KCNJ16: variants seen among roughly 807,000 people sequenced by gnomAD.
The protein encoded by KCNJ16 is potassium inwardly rectifying channel subfamily J member 16, also known as inward rectifier potassium channel 16.
A neutral mutation model predicts 18.5 loss-of-function variants in KCNJ16; 15 were observed. The observed-to-expected ratio is 0.81, with a 90% CI of 0.54 to 1.25. KCNJ16 has a LOEUF of 1.25. Ranked by LOEUF, KCNJ16 falls within the 50% of genes most tolerant of loss-of-function variation. The probability of loss-of-function intolerance (pLI) is 0.00; values close to 1 mark genes in which losing one functional copy is unlikely to be tolerated. For missense variants in KCNJ16, 523 were observed against 525.7 expected, an observed-to-expected ratio of 0.99 and a Z score of 0.05; for synonymous variants, 174 against 186.5, an observed-to-expected ratio of 0.93 and a Z score of 0.55.
Position 70,096,095 on chromosome 17 carries a change from G to A in KCNJ16, c.-299-4563G>A, listed in dbSNP as rs543041037. 3.0e-4 allele frequency among the ~76,000 whole-genome samples: 45 copies of A among 151,954 alleles called. 1 individual carries two copies. Among genetic ancestry groups the A allele is most frequent in the Non-Finnish European group, 5.9e-4 (40 of 68,002 alleles). On this transcript the variant is annotated intron_variant, in intron 1 of 3. Transcript: ENST00000392671. ...AGACGGGGTTTCGCTGTGTTAGCCA[G>A]GATGGTCTTGATCTCCTGACCTCGT...
chr17:70,105,558 G>C (rs1215024873), intron 2 of KCNJ16, among the ~76,000 whole-genome samples: 1 of 152,128 alleles, frequency 6.6e-6, no homozygotes, highest in African/African-American at 2.4e-5. Flanking sequence ...ACATCAATTT[G>C]GAATTACATC....
chr17:70,122,347 T>A (rs1243539546), intron 2 of KCNJ16, among the ~76,000 whole-genome samples: 6 of 150,824 alleles, frequency 4.0e-5, no homozygotes, highest in African/African-American at 4.9e-5. Context: ...TAATTTTTTT[T>A]ACTTTTTTTA....
At chr17:70,129,388 A>C (rs2073978831) in intron 2 of KCNJ16, among the ~76,000 whole-genome samples, 1 of 152,222 alleles carries the variant, frequency 6.6e-6, no homozygotes, top group African/African-American at 2.4e-5. Context: ...TTAACACGAA[A>C]TACTAAATAA....
intron 1 of KCNJ16, among the ~76,000 whole-genome samples, chr17:70,084,955 A>G (rs1293029176): frequency 6.6e-6 from 1 of 152,190 alleles, no homozygotes; most frequent in Non-Finnish European, 1.5e-5. Flanking sequence ...GTGTTTGGCC[A>G]ACGCTTTCAT....
At chr17:70,084,429 CATAAA>C (rs2071701910) in intron 1 of KCNJ16, among the ~76,000 whole-genome samples, 2 of 152,126 alleles carry the variant, frequency 1.3e-5, no homozygotes, top group South Asian at 4.1e-4. Flanking sequence ...CTTTAACACA[CATAAA>C]ATGAGATTAA....
At chr17:70,081,135 G>A (rs1567775619) in intron 1 of KCNJ16, among the ~76,000 whole-genome samples, 1 of 152,170 alleles carries the variant, frequency 6.6e-6, no homozygotes, top group African/African-American at 2.4e-5. Context: ...TAGAGATGAT[G>A]AGTTATGCAC....
chr17:70,112,540 T>G (rs1281341695), intron 2 of KCNJ16, among the ~76,000 whole-genome samples: 3 of 152,126 alleles, frequency 2.0e-5, no homozygotes, highest in African/African-American at 7.2e-5. Context: ...AGTATAATCC[T>G]TCCAGTTATG....
Position 70,132,945 on chromosome 17 carries a change from T to G in KCNJ16, c.858T>G (p.Gly286=). The G allele has an allele frequency of 6.2e-7, 1 of 1,614,170 alleles. No homozygotes were observed. The highest frequency in any genetic ancestry group is 8.5e-7 in the Non-Finnish European group (1 of 1,180,022). ...TTTTGGTGACATTTATCTATACTGG[T>G]GATTCCACTGGAACATCTCACCAAT... ...FEILVTFIYT[G]DSTGTSHQSR... is the part of the protein sequence containing the mutation. The change falls in exon 4 of 4, where the codon GGT becomes GGG. Residue 286 remains glycine (G), a synonymous_variant. Coordinates refer to ENST00000392671, the MANE Select transcript of KCNJ16 (RefSeq NM_170741.4).
At chr17:70,105,601 A>G (rs2072887611) in intron 2 of KCNJ16, among the ~76,000 whole-genome samples, 1 of 152,226 alleles carries the variant, frequency 6.6e-6, no homozygotes, top group South Asian at 2.1e-4. Flanking sequence ...GAAATGCCGT[A>G]AAGACTCTTT....
At chr17:70,105,564 A>G (rs1317262217) in intron 2 of KCNJ16, among the ~76,000 whole-genome samples, 2 of 152,232 alleles carry the variant, frequency 1.3e-5, no homozygotes, top group Non-Finnish European at 2.9e-5. Flanking sequence ...ATTTGGAATT[A>G]CATCTTCACA....
intron 2 of KCNJ16, chr17:70,128,014 G>A (rs1372130385): frequency 6.6e-6 from 1 of 152,218 alleles, no homozygotes; most frequent in Non-Finnish European, 1.5e-5. Context: ...TAACCACTGT[G>A]TTGTACCCTC....
intron 1 of KCNJ16, among the ~76,000 whole-genome samples, chr17:70,089,754 T>C (rs1358097905): frequency 6.6e-6 from 1 of 152,246 alleles, no homozygotes; most frequent in Non-Finnish European, 1.5e-5. Context: ...CAAATTTATA[T>C]GTACATAAAA....
intron 1 of KCNJ16, among the ~76,000 whole-genome samples, chr17:70,093,016 G>A (rs1484246857): frequency 6.6e-6 from 1 of 152,086 alleles, no homozygotes; most frequent in African/African-American, 2.4e-5. Flanking sequence ...CCAGCTATCT[G>A]GCCAACCCTT....
At chr17:70,104,933 T>C (rs1166920102) in intron 2 of KCNJ16, 1 of 152,398 alleles carries the variant, frequency 6.6e-6, no homozygotes, top group Non-Finnish European at 1.5e-5. Flanking sequence ...GGGTTTCTCA[T>C]CTCCATGGCG....
intron 1 of KCNJ16, among the ~76,000 whole-genome samples, chr17:70,099,837 A>T (rs1203800373): frequency 6.6e-6 from 1 of 152,216 alleles, no homozygotes; most frequent in East Asian, 1.9e-4. Flanking sequence ...TGATATGATG[A>T]TCACTAATTT....
chr17:70,134,327 T>C lies in KCNJ16; in HGVS notation c.*983T>C, dbSNP rs1259673965. On this transcript the variant is annotated 3_prime_UTR_variant, in exon 4 of 4. Transcript: ENST00000392671. ...TGGGGGGAGGGTGGGGAGGGAGATA[T>C]TTATTTGTGCCCAGAAGCAGTTATG... is the stretch of plus-strand genomic sequence containing the variant. The C allele has an allele frequency of 6.0e-6, 1 of 166,918 alleles. No individual in the cohort carries two copies. Among genetic ancestry groups the C allele is most frequent in the Admixed American group, 6.5e-5 (1 of 15,276 alleles). The allele number at this position is 166,918 out of a possible 1,614,324, so 10.3% of individuals were successfully genotyped here.
At chr17:70,130,443 G>A (rs1234070554) in intron 2 of KCNJ16, among the ~76,000 whole-genome samples, 2 of 152,208 alleles carry the variant, frequency 1.3e-5, no homozygotes, top group African/African-American at 4.8e-5. Context: ...TGAGTGAAGT[G>A]CAGGCAGATA....
Position 70,098,140 on chromosome 17 carries a change from A to T in KCNJ16, c.-299-2518A>T, listed in dbSNP as rs1022321667. The stretch of plus-strand genomic sequence containing the variant: ...CCAGGATGCAGCCAAGTAATAATTT[A>T]AAAAAAATTTTCCTAGTAACTCTCA... On this transcript the variant is annotated intron_variant, in intron 1 of 3. Transcript: ENST00000392671. 9.9e-5 allele frequency among the ~76,000 whole-genome samples: 15 copies of T among 152,216 alleles called. No homozygotes were observed. In the East Asian group the frequency reaches 1.2e-3, roughly 12 times the overall value.
At chr17:70,103,997 G>A (rs1000619100) in intron 2 of KCNJ16, among the ~76,000 whole-genome samples, 5 of 143,674 alleles carry the variant, frequency 3.5e-5, no homozygotes, top group East Asian at 2.0e-4. Flanking sequence ...GTTCAGTGGT[G>A]TCATCCTAGC....
Sources: gnomAD v4.1 joint callset for allele counts (sites outside exome capture counted in the v4.1 genomes callset) on GRCh38, gnomAD v4.1.1 for gene constraint, MANE v1.5 for transcripts, NCBI Gene and HGNC (gene_info 2026-07-23, HGNC 2026-07-21) for gene names.